The following CSMD1 variants were observed in gnomAD, a reference collection of about 807,000 sequenced individuals.
CSMD1 encodes CUB and Sushi multiple domains 1.
A neutral mutation model predicts 417.5 loss-of-function variants in CSMD1; 213 were observed. That is an observed-to-expected ratio of 0.51 (90% CI 0.46 to 0.57). The LOEUF is 0.57. Ranked by LOEUF, CSMD1 falls within the 20% of genes least tolerant of loss-of-function variation. CSMD1 has a pLI of 0.00. For synonymous variants in CSMD1, 2,862 were observed against 1,736.8 expected (o/e 1.65, Z -16.11); for missense variants, 6,923 against 4,529.7 (o/e 1.53, Z -15.17).
chr8:3,737,732 A>C lies in CSMD1; in HGVS notation c.931+16198T>G, dbSNP rs2623703. 4.1e-3 allele frequency among the ~76,000 whole-genome samples: 630 copies of C among 152,348 alleles called. 23 individuals are homozygous for C. The East Asian group carries it at 0.078, about 19-fold the overall frequency. ...CTTCCAAATTGAGGCAGTGATATTT[A>C]ATTAAAGATTCTCTGACCACATTCA... On this transcript the variant is annotated intron_variant, in intron 6 of 69. Coordinates refer to ENST00000635120, the MANE Select transcript of CSMD1 (RefSeq NM_033225.6).
At chr8:3,817,176 C>G (rs1008331645) in intron 5 of CSMD1, among the ~76,000 whole-genome samples, 1 of 151,048 alleles carries the variant, frequency 6.6e-6, no homozygotes, top group Admixed American at 6.6e-5. Flanking sequence ...ACGACCCCTC[C>G]CCCTCCCCAA....
At chr8:3,693,432 C>G (rs1307976138) in intron 7 of CSMD1, among the ~76,000 whole-genome samples, 3 of 151,974 alleles carry the variant, frequency 2.0e-5, no homozygotes, top group African/African-American at 7.3e-5. Flanking sequence ...TGTGGGTGGG[C>G]TGACTTAGCT....
intron 7 of CSMD1, among the ~76,000 whole-genome samples, chr8:3,621,510 G>C (rs1007674148): frequency 1.3e-5 from 2 of 152,130 alleles, no homozygotes; most frequent in Admixed American, 6.6e-5. Flanking sequence ...AAAATTTACA[G>C]AGATGAATAG....
At chr8:3,238,106 T>C (rs190003647) in intron 26 of CSMD1, among the ~76,000 whole-genome samples, 1 of 151,996 alleles carries the variant, frequency 6.6e-6, no homozygotes, top group Admixed American at 6.6e-5. Flanking sequence ...CGAAGGGAGA[T>C]ACGGGTGGGG....
intron 3 of CSMD1, among the ~76,000 whole-genome samples, chr8:4,200,474 T>A (rs1366659029): frequency 6.6e-6 from 1 of 152,168 alleles, no homozygotes; most frequent in Non-Finnish European, 1.5e-5. Context: ...GTGACAAAGT[T>A]GAATCTCAGA....
chr8:4,917,281 C>T (rs537686929), intron 1 of CSMD1, among the ~76,000 whole-genome samples: 1 of 152,234 alleles, frequency 6.6e-6, no homozygotes, highest in South Asian at 2.1e-4. Context: ...TAAAAACCAC[C>T]CCCACGATCC....
At chr8:4,167,991 T>C (rs1797549844) in intron 3 of CSMD1, among the ~76,000 whole-genome samples, 1 of 151,658 alleles carries the variant, frequency 6.6e-6, no homozygotes, top group Non-Finnish European at 1.5e-5. Context: ...TAGCCAGGCG[T>C]GGTGGCAGAC....
intron 5 of CSMD1, among the ~76,000 whole-genome samples, chr8:3,811,163 C>A (rs1175980630): frequency 6.6e-6 from 1 of 152,104 alleles, no homozygotes; most frequent in East Asian, 1.9e-4. Flanking sequence ...TCCAACAGGA[C>A]TGTGAGATCT....
At chr8:3,076,461 G>A (rs78523483) in intron 49 of CSMD1, among the ~76,000 whole-genome samples, 2 of 152,134 alleles carry the variant, frequency 1.3e-5, no homozygotes, top group African/African-American at 4.8e-5. Context: ...CTTTTTTTGA[G>A]GGGACTCAAT....
At chr8:3,997,830 C>T in intron 5 of CSMD1, 73 bp downstream of exon 5, 1 of 1,356,378 alleles carries the variant, frequency 7.4e-7, no homozygotes. Flanking sequence ...ACAAGCAATT[C>T]TTGAAGCTCG....
At chr8:4,398,518 C>A (rs578193946) in intron 3 of CSMD1, among the ~76,000 whole-genome samples, 1 of 151,484 alleles carries the variant, frequency 6.6e-6, no homozygotes, top group African/African-American at 2.4e-5. Context: ...CTCAGCCTCC[C>A]GAGTAGGTGG....
In CSMD1 at chr8:4,059,535, T is replaced by C. The variant is rs1271620970; in HGVS notation, c.416-27436A>G. Among the ~76,000 whole-genome samples the C allele has an allele frequency of 1.5e-4, 23 of 152,098 alleles. No individual in the cohort carries two copies. In the South Asian group the frequency reaches 3.3e-3, roughly 22 times the overall value. On this transcript the variant is annotated intron_variant, in intron 3 of 69. Coordinates refer to ENST00000635120, the MANE Select transcript of CSMD1 (RefSeq NM_033225.6). ...TTTTTGAAAGGATCAACAAAATTGATAGACTGCTAGCAAGACTAATAAAGA... is the reference window on the plus strand; with the variant it reads ...TTTTTGAAAGGATCAACAAAATTGACAGACTGCTAGCAAGACTAATAAAGA...
At chr8:4,159,987 A>T (rs1005081727) in intron 3 of CSMD1, among the ~76,000 whole-genome samples, 1 of 152,098 alleles carries the variant, frequency 6.6e-6, no homozygotes, top group Non-Finnish European at 1.5e-5. Flanking sequence ...ATTGGGTTCA[A>T]TGTATAATGC....
chr8:3,374,288 T>C (rs1394788897), intron 18 of CSMD1, among the ~76,000 whole-genome samples: 2 of 152,144 alleles, frequency 1.3e-5, no homozygotes, highest in African/African-American at 2.4e-5. Flanking sequence ...TTCTGTCTTT[T>C]GTCCTCTACT....
rs141751017 is a variant in CSMD1, at chr8:4,328,963, A to G, written c.415+90990T>C. On this transcript the variant is annotated intron_variant, in intron 3 of 69. Transcript: ENST00000635120. ...AATGCATTTGCAAGTTTAGCAGAGT[A>G]TCACTCTTCTGTGATATTTATTTTT... Among the ~76,000 whole-genome samples the G allele has an allele frequency of 4.9e-3, 753 of 152,350 alleles. 11 individuals carry two copies. The highest frequency in any genetic ancestry group is 0.017 in the African/African-American group (722 of 41,578).
intron 3 of CSMD1, among the ~76,000 whole-genome samples, chr8:4,286,652 G>C (rs1357187712): frequency 6.6e-6 from 1 of 152,136 alleles, no homozygotes; most frequent in African/African-American, 2.4e-5. Context: ...CTCCAAGAAA[G>C]GGGATAGCAA....
chr8:4,723,792 A>AAAC (rs1809224429), intron 1 of CSMD1, among the ~76,000 whole-genome samples: 2 of 145,892 alleles, frequency 1.4e-5, no homozygotes, highest in Non-Finnish European at 3.0e-5. Context: ...GAATGTAAAA[A>AAAC]AAAAAAAACA....
intron 5 of CSMD1, among the ~76,000 whole-genome samples, chr8:3,920,554 CTTAAAT>C (rs1300878202): frequency 1.3e-5 from 2 of 152,030 alleles, no homozygotes; most frequent in African/African-American, 4.8e-5. Context: ...TTGTCTTGTT[CTTAAAT>C]TTAAAGAGAA....
chr8:4,771,096 A>T (rs1419537875), intron 1 of CSMD1, among the ~76,000 whole-genome samples: 1 of 152,248 alleles, frequency 6.6e-6, no homozygotes, highest in Non-Finnish European at 1.5e-5. Context: ...TAAATAACTC[A>T]TAGCACTCAA....
Sources: gnomAD v4.1 joint callset for allele counts (sites outside exome capture counted in the v4.1 genomes callset) on GRCh38, gnomAD v4.1.1 for gene constraint, MANE v1.5 for transcripts, NCBI Gene and HGNC (gene_info 2026-07-23, HGNC 2026-07-21) for gene names.